The following DNAJB14 variants were observed in gnomAD, a reference collection of about 807,000 sequenced individuals.
DNAJB14 encodes the protein DnaJ heat shock protein family (Hsp40) member B14, also known as dnaJ homolog subfamily B member 14.
In DNAJB14, 22 loss-of-function variants were observed where a neutral mutation model predicts 48.4. The ratio of observed to expected loss-of-function variants is 0.45; its 90% CI spans 0.32 to 0.65. The LOEUF (loss-of-function observed/expected upper bound fraction) is 0.65, where lower values mean the gene tolerates loss of function less well. Ranked by LOEUF, DNAJB14 falls within the 30% of genes least tolerant of loss-of-function variation. The probability of loss-of-function intolerance (pLI) is 0.03; values close to 1 mark genes in which losing one functional copy is unlikely to be tolerated. For synonymous variants in DNAJB14, 142 were observed against 158.7 expected, an observed-to-expected ratio of 0.89 and a Z score of 0.79; for missense variants, 319 against 458.8, an observed-to-expected ratio of 0.70 and a Z score of 2.78.
At chr4:99,941,491 C>T (rs6828260) in intron 1 of DNAJB14, among the ~76,000 whole-genome samples, 1,577 of 152,158 alleles carry the variant, frequency 0.01, 28 homozygotes, top group African/African-American at 0.035. Context: ...AATATCCTCA[C>T]GATAAGCCTG....
At chr4:99,928,684 T>C in intron 2 of DNAJB14, 1 of 335,952 alleles carries the variant, frequency 3.0e-6, no homozygotes, top group Admixed American at 3.1e-5. Context: ...GTCTTCTTTT[T>C]CAAAACTTTC....
intron 3 of DNAJB14, among the ~76,000 whole-genome samples, chr4:99,911,349 T>C (rs910376081): frequency 2.0e-5 from 3 of 152,180 alleles, no homozygotes; most frequent in African/African-American, 7.2e-5. Context: ...AAAATTGCTA[T>C]ATATATTCAT....
At chr4:99,940,335 G>T (rs930093243) in intron 1 of DNAJB14, among the ~76,000 whole-genome samples, 4 of 152,176 alleles carry the variant, frequency 2.6e-5, no homozygotes, top group African/African-American at 9.7e-5. Flanking sequence ...GCTCATGCTT[G>T]TAATCCCAGC....
Position 99,900,715 on chromosome 4 carries a change from G to A in DNAJB14, c.*313C>T, listed in dbSNP as rs552424412. 25 of 196,638 alleles carry A rather than the reference G, an allele frequency of 1.3e-4. No individual in the cohort carries two copies. Among genetic ancestry groups the A allele is most frequent in the African/African-American group, 5.6e-4 (24 of 43,100 alleles). The allele number at this position is 196,638 out of a possible 1,614,324, so 12.2% of individuals were successfully genotyped here. On this transcript the variant is annotated 3_prime_UTR_variant, in exon 8 of 8. Transcript: ENST00000442697. Reference sequence around the variant, plus strand: ...ATTCCATAAATATTTACATGACAAGGGAAAAAATGGAGAATCACTAAAACT... The same window carrying A: ...ATTCCATAAATATTTACATGACAAGAGAAAAAATGGAGAATCACTAAAACT...
At chr4:99,901,489 CT>C (rs1255440068) in intron 7 of DNAJB14, among the ~76,000 whole-genome samples, 1 of 152,086 alleles carries the variant, frequency 6.6e-6, no homozygotes, top group Non-Finnish European at 1.5e-5. Context: ...ATATTATATG[CT>C]TTTCAATACT....
chr4:99,904,008 A>G, intron 6 of DNAJB14, 110 bp from the exon 7 acceptor site: 1 of 1,146,632 alleles, frequency 8.7e-7, no homozygotes, highest in Non-Finnish European at 1.2e-6. Flanking sequence ...AATATTGGTA[A>G]TACAGGTTGA....
chr4:99,919,289 T>TA (rs923230749), intron 3 of DNAJB14, among the ~76,000 whole-genome samples: 2 of 151,520 alleles, frequency 1.3e-5, no homozygotes, highest in African/African-American at 4.9e-5. Flanking sequence ...ATATATGGGG[T>TA]AAAAAAATAC....
intron 6 of DNAJB14, among the ~76,000 whole-genome samples, chr4:99,904,977 A>G (rs1052233363): frequency 3.3e-5 from 5 of 151,972 alleles, no homozygotes; most frequent in African/African-American, 1.2e-4. Context: ...ATGTGATTTT[A>G]ATACTGTAAA....
chr4:99,939,422 C>G (rs1015144952), intron 1 of DNAJB14, among the ~76,000 whole-genome samples: 1 of 152,176 alleles, frequency 6.6e-6, no homozygotes, highest in East Asian at 1.9e-4. Context: ...CACGAAGACC[C>G]ACTGCATGCT....
chr4:99,915,485 G>T (rs1725822861), intron 3 of DNAJB14, among the ~76,000 whole-genome samples: 1 of 152,142 alleles, frequency 6.6e-6, no homozygotes, highest in Non-Finnish European at 1.5e-5. Flanking sequence ...TTTCCTGTTT[G>T]ACCCATGGAT....
rs1725395651 is a variant in DNAJB14, at chr4:99,904,375, C to T, written c.843-477G>A. On this transcript the variant is annotated intron_variant, in intron 6 of 7. Coordinates refer to ENST00000442697, the MANE Select transcript of DNAJB14 (RefSeq NM_001031723.4). ...ATGATGCCAAACAACCACAGGTTGT[C>T]CACATGGGTGGCTGAGATAGTGATA... Among the ~76,000 whole-genome samples, 3 of 152,098 alleles carry T rather than the reference C, an allele frequency of 2.0e-5. No individual in the cohort carries two copies. The South Asian group carries it at 6.2e-4, about 32-fold the overall frequency.
intron 1 of DNAJB14, among the ~76,000 whole-genome samples, chr4:99,933,397 C>T (rs1467297968): frequency 3.5e-5 from 5 of 142,340 alleles, no homozygotes; most frequent in Non-Finnish European, 6.0e-5. Context: ...TGGGTTCAGG[C>T]AATTCTGTCT....
At chr4:99,920,423 A>G (rs886311711) in intron 3 of DNAJB14, among the ~76,000 whole-genome samples, 2 of 152,158 alleles carry the variant, frequency 1.3e-5, no homozygotes, top group Admixed American at 1.3e-4. Flanking sequence ...AAACACATAA[A>G]CAACTAATCC....
chr4:99,933,478 A>G (rs79411983), intron 1 of DNAJB14, among the ~76,000 whole-genome samples: 5 of 150,866 alleles, frequency 3.3e-5, no homozygotes, highest in Admixed American at 2.0e-4. Flanking sequence ...TTTTTTTTTT[A>G]GTAGAGATGG....
chr4:99,907,000 T>C (rs1201088729), intron 4 of DNAJB14, among the ~76,000 whole-genome samples: 2 of 152,204 alleles, frequency 1.3e-5, no homozygotes, highest in Non-Finnish European at 2.9e-5. Context: ...AATCAAAAGA[T>C]AGTGTTCAAA....
rs187369334 is a variant in DNAJB14, at chr4:99,900,845, C to T, written c.*183G>A. 727 of 452,242 alleles carry T rather than the reference C, an allele frequency of 1.6e-3. 5 individuals are homozygous for T. Among genetic ancestry groups the T allele is most frequent in the African/African-American group, 0.013 (653 of 49,154 alleles). 28.0% of individuals were successfully genotyped at this position (452,242 alleles called of 1,614,324 possible). ...TGTAGAAGCGTTAACTAAAATATTC[C>T]ATTTTAGTTTTCAGTTACTATTTAA... On this transcript the variant is annotated 3_prime_UTR_variant, in exon 8 of 8. Coordinates refer to ENST00000442697, the MANE Select transcript of DNAJB14 (RefSeq NM_001031723.4).
rs767792448 is a variant in DNAJB14 at position 99,908,742 on chromosome 4, A to C, written c.606T>G (p.Phe202Leu). ...GAAATCCACCCCCAAAAAATATATTAAACAAGTCTTCTGGAGTTATATCAG... is the reference window on the plus strand; with the variant it reads ...GAAATCCACCCCCAAAAAATATATTCAACAAGTCTTCTGGAGTTATATCAG... ...CEADITPEDL[F>L]NIFFGGGFPS... The change falls in exon 4 of 8, where the codon TTT becomes TTG. Residue 202 changes from phenylalanine (F) to leucine (L), a missense_variant. Physicochemically the swap from Phe to Leu is conservative, Grantham distance 22. Coordinates refer to ENST00000442697, the MANE Select transcript of DNAJB14 (RefSeq NM_001031723.4). 1.3e-6 allele frequency: 2 copies of C among 1,598,740 alleles called. No homozygotes were observed. The highest frequency in any genetic ancestry group is 1.7e-6 in the Non-Finnish European group (2 of 1,174,968).
At chr4:99,924,666 T>TA in intron 2 of DNAJB14, 1 of 1,520,824 alleles carries the variant, frequency 6.6e-7, no homozygotes, top group Non-Finnish European at 8.9e-7. Context: ...AAAAAGAGAA[T>TA]GATCCCACCT....
At chr4:99,914,655 T>C (rs1725787794) in intron 3 of DNAJB14, among the ~76,000 whole-genome samples, 1 of 151,680 alleles carries the variant, frequency 6.6e-6, no homozygotes, top group Non-Finnish European at 1.5e-5. Flanking sequence ...AAAATATATA[T>C]ATAAAATAAA....
Sources: gnomAD v4.1 joint callset for allele counts (sites outside exome capture counted in the v4.1 genomes callset) on GRCh38, gnomAD v4.1.1 for gene constraint, MANE v1.5 for transcripts, NCBI Gene and HGNC (gene_info 2026-07-23, HGNC 2026-07-21) for gene names.